The following TTC6 variants were observed in gnomAD, a reference collection of about 807,000 sequenced individuals.
The protein encoded by TTC6 is tetratricopeptide repeat domain 6, also known as tetratricopeptide repeat protein 6.
A neutral mutation model predicts 210.4 loss-of-function variants in TTC6; 172 were observed. The ratio of observed to expected loss-of-function variants is 0.82; its 90% CI spans 0.72 to 0.93. TTC6 has a LOEUF of 0.93. Ranked by LOEUF, TTC6 falls within the 40% of genes least tolerant of loss-of-function variation. The pLI is 0.00. For synonymous variants in TTC6, 804 were observed against 819.6 expected (o/e 0.98, Z 0.32); for missense variants, 2,414 against 2,318.1 (o/e 1.04, Z -0.85).
At chr14:37,749,222 A>T in exon 11 of TTC6, 1 of 1,530,816 alleles carries the variant, frequency 6.5e-7, no homozygotes, top group South Asian at 1.2e-5. Context: ...ACTAAAATTA[A>T]ATGATTATGT....
chr14:37,632,109 A>G (rs1250080499), intron 1 of TTC6, among the ~76,000 whole-genome samples: 1 of 152,126 alleles, frequency 6.6e-6, no homozygotes, highest in Non-Finnish European at 1.5e-5. Flanking sequence ...TCTGAAGCCT[A>G]CTTCTGCCAG....
chr14:37,672,821 ATTTTTTTTTTT>A (rs377117749), intron 1 of TTC6, among the ~76,000 whole-genome samples: 3 of 128,996 alleles, frequency 2.3e-5, no homozygotes, highest in South Asian at 4.8e-4. Flanking sequence ...TGAATTCCTC[ATTTTTTTTTTT>A]TTTTTTTTAC....
At chr14:37,782,029 G>T (rs923661772) in intron 14 of TTC6, among the ~76,000 whole-genome samples, 1 of 152,104 alleles carries the variant, frequency 6.6e-6, no homozygotes, top group Non-Finnish European at 1.5e-5. Context: ...GGTTACTGTA[G>T]CCTTGTAGTA....
At chr14:37,645,119 C>T (rs2095699162) in intron 1 of TTC6, among the ~76,000 whole-genome samples, 2 of 152,192 alleles carry the variant, frequency 1.3e-5, no homozygotes, top group Admixed American at 1.3e-4. Context: ...CACATCCTCA[C>T]CAGCTTTGTG....
At chr14:37,834,162 G>A (rs117491338) in intron 29 of TTC6, among the ~76,000 whole-genome samples, 3,210 of 152,144 alleles carry the variant, frequency 0.021, 50 homozygotes, top group Non-Finnish European at 0.031. Flanking sequence ...AATGTGCCTT[G>A]GAGAGGGCCT....
Position 37,763,588 on chromosome 14 carries a change from A to G in TTC6, c.3266+10353A>G, listed in dbSNP as rs541098893. Among the ~76,000 whole-genome samples, 4 of 152,258 alleles carry G rather than the reference A, an allele frequency of 2.6e-5. No individual in the cohort carries two copies. The South Asian group carries it at 8.3e-4, about 32-fold the overall frequency. ...TTCTAAGTTCTTCCAATTTGTTAGC[A>G]TGCAATTGTTCATAGTATTCTTTTA... On this transcript the variant is annotated intron_variant, in intron 14 of 30. Coordinates refer to ENST00000553443, the Ensembl canonical transcript of TTC6.
chr14:37,739,005 C>G (rs1242161268), exon 10 of TTC6: 6 of 1,535,466 alleles, frequency 3.9e-6, no homozygotes, highest in Non-Finnish European at 5.2e-6. Context: ...AGAAATCTCT[C>G]TTTGACTCTC....
At chr14:37,728,785 G>A (rs897958321) in intron 7 of TTC6, among the ~76,000 whole-genome samples, 8 of 151,982 alleles carry the variant, frequency 5.3e-5, no homozygotes, top group Non-Finnish European at 1.0e-4. Flanking sequence ...GAGTGGCAAG[G>A]GCTATTACAA....
At chr14:37,780,252 T>A (rs941838445) in intron 14 of TTC6, among the ~76,000 whole-genome samples, 1 of 152,228 alleles carries the variant, frequency 6.6e-6, no homozygotes, top group Non-Finnish European at 1.5e-5. Context: ...AACTTTTAAG[T>A]TCAGGGGTAC....
At chr14:37,654,361 A>T (rs1224120065) in intron 1 of TTC6, among the ~76,000 whole-genome samples, 2 of 152,136 alleles carry the variant, frequency 1.3e-5, no homozygotes, top group Non-Finnish European at 2.9e-5. Context: ...ATATACACTT[A>T]TGTACCCACA....
intron 4 of TTC6, among the ~76,000 whole-genome samples, chr14:37,697,845 AT>A (rs532912444): frequency 2.6e-5 from 4 of 151,694 alleles, no homozygotes; most frequent in African/African-American, 9.7e-5. Context: ...AAACTTCTTG[AT>A]TTTTTTTTCT....
intron 5 of TTC6, among the ~76,000 whole-genome samples, chr14:37,713,285 G>A (rs8015167): frequency 1 from 151,763 of 152,360 alleles, 75,591 homozygotes; most frequent in Middle Eastern, 1. Flanking sequence ...GCATTTGGTT[G>A]GTGGATTCCA....
At chr14:37,739,797 C>T (rs1366845514) in intron 10 of TTC6, among the ~76,000 whole-genome samples, 1 of 152,088 alleles carries the variant, frequency 6.6e-6, no homozygotes. Flanking sequence ...TCCTGCTCCA[C>T]ACAAATTCTA....
chr14:37,830,937 A>ACG (rs2096183394), intron 29 of TTC6, among the ~76,000 whole-genome samples: 1 of 152,128 alleles, frequency 6.6e-6, no homozygotes, highest in Non-Finnish European at 1.5e-5. Flanking sequence ...TTATGATGAG[A>ACG]ATATTTCAAA....
At chr14:37,807,525 G>C in intron 23 of TTC6, 65 bp downstream of exon 25, 1 of 1,339,518 alleles carries the variant, frequency 7.5e-7, no homozygotes, top group Non-Finnish European at 9.8e-7. Context: ...ATGCTAGGCA[G>C]GGGACTCACT....
chr14:37,622,867 T>C (rs1368019733), exon 1 of TTC6: 3 of 1,534,690 alleles, frequency 2.0e-6, no homozygotes, highest in Non-Finnish European at 2.6e-6. Flanking sequence ...CAGGCGCTGC[T>C]GCCCTCCCGC....
chr14:37,701,185 G>C (rs1015973006), intron 4 of TTC6, 147 bp from the exon 7 acceptor site: 3 of 529,390 alleles, frequency 5.7e-6, no homozygotes, highest in Non-Finnish European at 9.1e-6. Flanking sequence ...TATTAAATTT[G>C]TTATATACCA....
intron 4 of TTC6, among the ~76,000 whole-genome samples, chr14:37,697,061 A>G (rs972928462): frequency 2.0e-5 from 3 of 152,206 alleles, no homozygotes; most frequent in African/African-American, 7.2e-5. Context: ...TACTTTCATG[A>G]TGTAACAATA....
At chr14:37,827,480 C>A (rs1437876156) in intron 29 of TTC6, 114 bp downstream of exon 31, 1 of 929,994 alleles carries the variant, frequency 1.1e-6, no homozygotes, top group Non-Finnish European at 1.6e-6. Context: ...TGGCTATTAG[C>A]TCTTTTATTT....
Sources: gnomAD v4.1 joint callset for allele counts (sites outside exome capture counted in the v4.1 genomes callset) on GRCh38, gnomAD v4.1.1 for gene constraint, MANE v1.5 for transcripts, NCBI Gene and HGNC (gene_info 2026-07-23, HGNC 2026-07-21) for gene names.